The following SMURF2 variants were observed in gnomAD, a reference collection of about 807,000 sequenced individuals.
SMURF2 encodes SMAD specific E3 ubiquitin protein ligase 2.
In SMURF2, 48 loss-of-function variants were observed where a neutral mutation model predicts 109.6. The ratio of observed to expected loss-of-function variants is 0.44; its 90% CI spans 0.35 to 0.56. The LOEUF is 0.56. Among genes scored for constraint, SMURF2 ranks in the 20% least tolerant of loss-of-function variants. The probability of loss-of-function intolerance (pLI) is 0.01; values close to 1 mark genes in which losing one functional copy is unlikely to be tolerated. For missense variants in SMURF2, 575 were observed against 909.0 expected, an observed-to-expected ratio of 0.63 and a Z score of 4.72; for synonymous variants, 288 against 317.1, an observed-to-expected ratio of 0.91 and a Z score of 0.97.
chr17:64,649,641 A>G (rs1253559688), intron 1 of SMURF2, among the ~76,000 whole-genome samples: 2 of 152,120 alleles, frequency 1.3e-5, no homozygotes, highest in African/African-American at 4.8e-5. Context: ...AAGGAGTTTG[A>G]GAAACAACCT....
At position 64,583,520 on chromosome 17, in the gene SMURF2, A is replaced by G; in HGVS notation, c.510T>C (p.Ser170=). The change falls in exon 7 of 19, where the codon TCT becomes TCC. Residue 170 remains serine, a synonymous_variant. Coordinates refer to ENST00000262435, the MANE Select transcript of SMURF2 (RefSeq NM_022739.4). ...TATGGTTTAGATACTGGATTCTTCCAGAGGCGGTTCTCCTTTCTTCCCAGC... is the reference window on the plus strand; with the variant it reads ...TATGGTTTAGATACTGGATTCTTCCGGAGGCGGTTCTCCTTTCTTCCCAGC... ...PDGWEERRTA[S]GRIQYLNHIT... 2 of 1,614,062 alleles carry G rather than the reference A, an allele frequency of 1.2e-6. No individual in the cohort carries two copies. The highest frequency in any genetic ancestry group is 1.7e-6 in the Non-Finnish European group (2 of 1,179,906).
intron 11 of SMURF2, 120 bp from the exon 12 acceptor site, chr17:64,561,723 G>A (rs1969222638): frequency 3.0e-6 from 2 of 672,564 alleles, no homozygotes; most frequent in East Asian, 5.6e-5. Context: ...TTGGCCAGGT[G>A]CAGTAGCTCA....
Position 64,557,698 on chromosome 17 carries a change from A to G in SMURF2, c.1341T>C (p.His447=), listed in dbSNP as rs782372498. The G allele has an allele frequency of 6.2e-7, 1 of 1,610,614 alleles. No individual in the cohort carries two copies. Among genetic ancestry groups the G allele is most frequent in the Non-Finnish European group, 8.5e-7 (1 of 1,177,640 alleles). Residue 447 remains histidine (H), a synonymous_variant, in exon 13 of 19, where the codon CAT becomes CAC. Transcript: ENST00000262435. ...VAREWLYLLS[H]EMLNPYYGLF... Reference sequence around the variant, plus strand: ...GGCCATAGTATGGATTCAACATTTCATGTGACAAGAGATACAACCATTCCC... The same window carrying G: ...GGCCATAGTATGGATTCAACATTTCGTGTGACAAGAGATACAACCATTCCC...
chr17:64,615,337 C>T (rs1039316702), intron 1 of SMURF2, among the ~76,000 whole-genome samples: 2 of 152,186 alleles, frequency 1.3e-5, no homozygotes, highest in Non-Finnish European at 2.9e-5. Context: ...GTCCCTGCAA[C>T]TCAAAAGTAG....
chr17:64,610,570 A>C (rs2144681045), intron 1 of SMURF2, among the ~76,000 whole-genome samples: 1 of 152,302 alleles, frequency 6.6e-6, no homozygotes, highest in East Asian at 1.9e-4. Flanking sequence ...GAACACATGG[A>C]CACATGGAGG....
chr17:64,579,988 A>G (rs1312048430), intron 8 of SMURF2, among the ~76,000 whole-genome samples: 1 of 152,246 alleles, frequency 6.6e-6, no homozygotes, highest in East Asian at 1.9e-4. Context: ...ATGCATTTGC[A>G]GAAGAGTTTT....
intron 1 of SMURF2, among the ~76,000 whole-genome samples, chr17:64,646,768 T>C (rs1271845948): frequency 1.3e-5 from 2 of 152,192 alleles, no homozygotes; most frequent in Non-Finnish European, 1.5e-5. Flanking sequence ...ATGCCTGACT[T>C]ATGAAAAGAT....
At chr17:64,634,311 G>A (rs1024732607) in intron 1 of SMURF2, among the ~76,000 whole-genome samples, 14 of 152,134 alleles carry the variant, frequency 9.2e-5, no homozygotes, top group African/African-American at 3.4e-4. Flanking sequence ...GGTATTCCTG[G>A]GTCTATAGGC....
At chr17:64,578,672 C>T in intron 8 of SMURF2, 96 bp from the exon 9 acceptor site, 1 of 708,038 alleles carries the variant, frequency 1.4e-6, no homozygotes, top group South Asian at 1.8e-5. Context: ...AGGGAAAAAT[C>T]TCCAAATTAC....
intron 1 of SMURF2, 33 bp downstream of exon 1, chr17:64,661,796 G>A: frequency 1.6e-6 from 2 of 1,213,240 alleles, no homozygotes; most frequent in Non-Finnish European, 2.1e-6. Flanking sequence ...CCCACCCCGC[G>A]GCTGCCCAGC....
chr17:64,655,892 C>A (rs1252177694), intron 1 of SMURF2, among the ~76,000 whole-genome samples: 1 of 152,134 alleles, frequency 6.6e-6, no homozygotes, highest in East Asian at 1.9e-4. Context: ...GAGACTCCGT[C>A]TCTTTAAAAA....
Position 64,554,814 on chromosome 17 carries a change from A to C in SMURF2, c.1748+42T>G, listed in dbSNP as rs1182297239. On this transcript the variant is annotated intron_variant, in intron 15 of 18. Transcript: ENST00000262435. ...AGTTTGTTCATACTAACATTCTAGA[A>C]CATTTTAAAAAATTCAGCCTTGAGA... The C allele has an allele frequency of 1.9e-6, 3 of 1,588,688 alleles. No individual in the cohort carries two copies. The African/African-American group carries it at 4.0e-5, about 21-fold the overall frequency.
intron 1 of SMURF2, among the ~76,000 whole-genome samples, chr17:64,621,982 T>TAAA (rs1243047070): frequency 6.9e-6 from 1 of 144,574 alleles, no homozygotes; most frequent in African/African-American, 2.5e-5. Flanking sequence ...ATAATAATAA[T>TAAA]AATAAAAAAA....
chr17:64,554,065 C>T (rs1310985685), intron 15 of SMURF2, among the ~76,000 whole-genome samples: 1 of 152,184 alleles, frequency 6.6e-6, no homozygotes, highest in East Asian at 1.9e-4. Flanking sequence ...TTTATGAAAT[C>T]TGAAAAACAT....
In SMURF2 at chr17:64,586,126, C is replaced by G; in HGVS notation, c.445G>C (p.Val149Leu). ...RDRIGTGGQV[V>L]DCSRLFDNDL... ...TTATCAAATAAACGACTGCAGTCCA[C>G]AACTTGTCCTCCTGTGCCTATTCGG... Residue 149 changes from valine (V) to leucine (L), a missense_variant, in exon 6 of 19, where the codon GTG (valine) becomes CTG (leucine). Val to Leu is a conservative substitution (Grantham distance 32, BLOSUM62 1). Around this residue, in one of 5 missense-constraint regions of SMURF2, gnomAD observed 151 missense variants for 178.4 expected, o/e 0.85. Transcript: ENST00000262435. 1 of 1,610,940 alleles carries G rather than the reference C, an allele frequency of 6.2e-7. No homozygotes were observed.
Position 64,626,678 on chromosome 17 carries a change from G to C in SMURF2, c.53-20038C>G, listed in dbSNP as rs532624062. On this transcript the variant is annotated intron_variant, in intron 1 of 18. Coordinates refer to ENST00000262435, the MANE Select transcript of SMURF2 (RefSeq NM_022739.4). The stretch of plus-strand genomic sequence containing the variant: ...CTCAGGAGGCTGAGGCAAGGGAATC[G>C]CTTGAACCTAAGAGGCAGAGGTTGC... Among the ~76,000 whole-genome samples the C allele has an allele frequency of 7.2e-5, 11 of 151,994 alleles. 1 individual carries two copies. Among genetic ancestry groups the C allele is most frequent in the Admixed American group, 5.2e-4 (8 of 15,256 alleles).
intron 6 of SMURF2, 101 bp from the exon 7 acceptor site, chr17:64,583,645 A>AAC (rs1179863907): frequency 2.6e-6 from 2 of 778,250 alleles, no homozygotes; most frequent in African/African-American, 3.5e-5. Flanking sequence ...CGGGAATGCC[A>AAC]ACCCGAAGTA....
In SMURF2 at chr17:64,542,632, C is replaced by G. The variant is rs189913687; in HGVS notation, c.*3216G>C. On this transcript the variant is annotated 3_prime_UTR_variant, in exon 19 of 19. Transcript: ENST00000262435. ...ACCCGTTGACTGTACGCTTAGAAAA[C>G]AAGCAGAAGGAGCCACTCTCCCAAA... 4 of 152,150 alleles carry G rather than the reference C, an allele frequency of 2.6e-5. No individual in the cohort carries two copies. In the East Asian group the frequency reaches 5.8e-4, roughly 22 times the overall value. 9.4% of individuals were successfully genotyped at this position (152,150 alleles called of 1,614,324 possible).
intron 1 of SMURF2, among the ~76,000 whole-genome samples, chr17:64,616,922 A>T (rs1304624271): frequency 1.3e-5 from 2 of 151,558 alleles, no homozygotes; most frequent in Non-Finnish European, 2.9e-5. Context: ...ATACAAAAAA[A>T]GAAAAAAAAA....
Sources: gnomAD v4.1 joint callset for allele counts (sites outside exome capture counted in the v4.1 genomes callset) on GRCh38, gnomAD v4.1.1 for gene constraint, gnomAD v4.1.1 regional missense constraint, MANE v1.5 for transcripts, NCBI Gene and HGNC (gene_info 2026-07-23, HGNC 2026-07-21) for gene names.